GPC5: variants seen among roughly 807,000 people sequenced by gnomAD.
GPC5 encodes the protein glypican 5.
Under a neutral mutation model 53.9 loss-of-function variants are expected in GPC5, and 47 were observed. The observed-to-expected ratio is 0.87, with a 90% CI of 0.69 to 1.11. The LOEUF (loss-of-function observed/expected upper bound fraction) is 1.11, where lower values mean the gene tolerates loss of function less well. Ranked by LOEUF, GPC5 falls within the 50% of genes most tolerant of loss-of-function variation. The pLI is 0.00. For missense variants in GPC5, 748 were observed against 713.1 expected (o/e 1.05, Z -0.56); for synonymous variants, 286 against 263.3 (o/e 1.09, Z -0.84).
In GPC5 at chr13:91,491,390, A is replaced by T. The variant is rs534124892; in HGVS notation, c.325+42468A>T. On this transcript the variant is annotated intron_variant, in intron 2 of 7. Transcript: ENST00000377067. Reference sequence around the variant, plus strand: ...CATTTTGTCTTGCTATAAATGTTGCAAACTATTCGGCATATAACCTACTTT... The same window carrying T: ...CATTTTGTCTTGCTATAAATGTTGCTAACTATTCGGCATATAACCTACTTT... 3.3e-5 allele frequency among the ~76,000 whole-genome samples: 5 copies of T among 152,304 alleles called. No homozygotes were observed. In the East Asian group the frequency reaches 9.6e-4, roughly 29 times the overall value.
intron 7 of GPC5, among the ~76,000 whole-genome samples, chr13:92,705,202 T>C (rs1887909459): frequency 6.6e-6 from 1 of 152,122 alleles, no homozygotes; most frequent in Non-Finnish European, 1.5e-5. Flanking sequence ...AATTTTTATT[T>C]AGCTATTCAT....
chr13:92,031,830 T>TATATAATATATTACATATTATATATA (rs2040851233), intron 6 of GPC5, among the ~76,000 whole-genome samples: 3 of 108,682 alleles, frequency 2.8e-5, no homozygotes, highest in Admixed American at 1.4e-4. Flanking sequence ...TTATATATAA[T>TATATAATATATTACATATTATATATA]ATATAATATA....
At chr13:92,505,333 C>A (rs1880330125) in intron 7 of GPC5, among the ~76,000 whole-genome samples, 1 of 151,858 alleles carries the variant, frequency 6.6e-6, no homozygotes, top group African/African-American at 2.4e-5. Flanking sequence ...CGAAAGAAGA[C>A]ATGGAAGTCC....
intron 7 of GPC5, among the ~76,000 whole-genome samples, chr13:92,194,671 C>A (rs1419696670): frequency 1.3e-5 from 2 of 152,154 alleles, no homozygotes; most frequent in East Asian, 3.9e-4. Context: ...TGCAGGTATT[C>A]TCAAATGCAT....
Position 91,724,266 on chromosome 13 carries a change from A to G in GPC5, c.1021-4266A>G, listed in dbSNP as rs540154660. Among the ~76,000 whole-genome samples the G allele has an allele frequency of 2.0e-5, 3 of 152,280 alleles. No homozygotes were observed. In the East Asian group the frequency reaches 5.8e-4, roughly 29 times the overall value. On this transcript the variant is annotated intron_variant, in intron 3 of 7. Coordinates refer to ENST00000377067, the MANE Select transcript of GPC5 (RefSeq NM_004466.6). ...TATTTATGTATCATTATTATTATCA[A>G]GGATACATGCAGACTCATGCCTTAT...
chr13:92,618,429 A>G (rs1386036896), intron 7 of GPC5, among the ~76,000 whole-genome samples: 2 of 152,082 alleles, frequency 1.3e-5, no homozygotes, highest in Non-Finnish European at 2.9e-5. Flanking sequence ...AGAAGATTAC[A>G]AAGTATATAG....
At chr13:92,433,084 G>A (rs1877164485) in intron 7 of GPC5, among the ~76,000 whole-genome samples, 1 of 152,146 alleles carries the variant, frequency 6.6e-6, no homozygotes, top group South Asian at 2.1e-4. Context: ...AATGTTTTAA[G>A]ATAGTTAATA....
At chr13:91,649,917 T>C (rs2034655849) in intron 2 of GPC5, among the ~76,000 whole-genome samples, 1 of 152,180 alleles carries the variant, frequency 6.6e-6, no homozygotes, top group Admixed American at 6.5e-5. Flanking sequence ...AATACATAGA[T>C]TTTTTTAAAA....
At chr13:91,404,954 G>A (rs1358830136) in intron 1 of GPC5, among the ~76,000 whole-genome samples, 5 of 152,098 alleles carry the variant, frequency 3.3e-5, no homozygotes, top group African/African-American at 7.2e-5. Context: ...AATTATGAAT[G>A]TATCTTTATT....
chr13:92,733,221 C>T (rs1278265866), intron 7 of GPC5, among the ~76,000 whole-genome samples: 1 of 151,636 alleles, frequency 6.6e-6, no homozygotes, highest in Non-Finnish European at 1.5e-5. Flanking sequence ...CGATAAATCT[C>T]ACAATGAAGA....
intron 7 of GPC5, among the ~76,000 whole-genome samples, chr13:92,862,261 C>T (rs1879204169): frequency 6.6e-6 from 1 of 152,070 alleles, no homozygotes; most frequent in African/African-American, 2.4e-5. Context: ...TTATATCAAC[C>T]TTATCCTGTT....
intron 1 of GPC5, among the ~76,000 whole-genome samples, chr13:91,431,880 A>G (rs1371934104): frequency 6.6e-6 from 1 of 152,198 alleles, no homozygotes; most frequent in Non-Finnish European, 1.5e-5. Context: ...CTCACCTCTA[A>G]CTTCATTACC....
At chr13:92,545,416 A>G (rs897871054) in intron 7 of GPC5, among the ~76,000 whole-genome samples, 2 of 152,102 alleles carry the variant, frequency 1.3e-5, no homozygotes, top group East Asian at 1.9e-4. Context: ...ATGTTTTATA[A>G]TCCTTTGGGT....
At chr13:92,612,639 G>A (rs547485296) in intron 7 of GPC5, among the ~76,000 whole-genome samples, 2 of 152,176 alleles carry the variant, frequency 1.3e-5, no homozygotes, top group South Asian at 2.1e-4. Flanking sequence ...GGACTCTTAT[G>A]TTGTTCTCAT....
intron 5 of GPC5, among the ~76,000 whole-genome samples, chr13:91,851,991 T>G (rs1566303807): frequency 6.6e-6 from 1 of 150,812 alleles, no homozygotes; most frequent in Non-Finnish European, 1.5e-5. Context: ...AGCAGCATGA[T>G]TTATAGTCCT....
intron 5 of GPC5, among the ~76,000 whole-genome samples, chr13:91,822,132 G>A (rs1008252352): frequency 5.3e-5 from 8 of 152,170 alleles, no homozygotes; most frequent in Non-Finnish European, 1.0e-4. Flanking sequence ...CAAACCACAA[G>A]TGAAGAGCAA....
intron 7 of GPC5, among the ~76,000 whole-genome samples, chr13:92,391,320 T>C (rs1161272706): frequency 1.3e-5 from 2 of 152,124 alleles, no homozygotes; most frequent in African/African-American, 4.8e-5. Flanking sequence ...TTACCAGTAA[T>C]GAGATAGGAT....
At chr13:92,633,342 A>T (rs934305441) in intron 7 of GPC5, among the ~76,000 whole-genome samples, 1 of 147,386 alleles carries the variant, frequency 6.8e-6, no homozygotes, top group Non-Finnish European at 1.5e-5. Context: ...TCTTTGATAA[A>T]AAGTTAAGAA....
rs3059952 is a variant in GPC5 at position 92,009,253 on chromosome 13, C to CGTGTGTGTGTGTGTGTGTGTGT, written c.1401+101207_1401+101228dup. Among the ~76,000 whole-genome samples, 13 of 139,830 alleles carry CGTGTGTGTGTGTGTGTGTGTGT rather than the reference C, an allele frequency of 9.3e-5. No individual in the cohort carries two copies. In the South Asian group the frequency reaches 2.6e-3, roughly 28 times the overall value. 91.7% of individuals were successfully genotyped at this position (139,830 alleles called of 152,430 possible). A position where few individuals can be genotyped will look rare whatever the true frequency, so the allele number is the denominator to read the frequency against. ...TTTTATCTGTTGAGTGCTGGATTTTCGTGTGTGTGTGTGTGTGTGTGTGTG... is the reference window on the plus strand; with the variant it reads ...TTTTATCTGTTGAGTGCTGGATTTTCGTGTGTGTGTGTGTGTGTGTGTGTGTGTGTGTGTGTGTGTGTGTGTG... On this transcript the variant is annotated intron_variant, in intron 6 of 7. Transcript: ENST00000377067.
Sources: allele counts gnomAD v4.1 joint callset (sites outside exome capture counted in the v4.1 genomes callset), GRCh38; gene constraint gnomAD v4.1.1; transcripts MANE v1.5; gene names NCBI Gene and HGNC (gene_info 2026-07-23, HGNC 2026-07-21).